Variants in MAP2K6 observed in about 807,000 individuals in gnomAD.
The protein encoded by MAP2K6 is dual specificity mitogen-activated protein kinase kinase 6.
Under a neutral mutation model 53.7 loss-of-function variants are expected in MAP2K6, and 16 were observed. The observed-to-expected ratio is 0.30, with a 90% CI of 0.20 to 0.45. The LOEUF (loss-of-function observed/expected upper bound fraction) is 0.45. MAP2K6 is among the 20% of genes least tolerant of loss of function. MAP2K6 has a pLI of 1.00. For missense variants in MAP2K6, 204 were observed against 411.9 expected (o/e 0.50, Z 4.37); for synonymous variants, 132 against 143.1 (o/e 0.92, Z 0.55).
rs1641715550 is a variant in MAP2K6 at position 69,499,061 on chromosome 17, C to T, written c.17-6719C>T. 2.0e-5 allele frequency among the ~76,000 whole-genome samples: 3 copies of T among 152,224 alleles called. No homozygotes were observed. The South Asian group carries it at 6.2e-4, about 32-fold the overall frequency. On this transcript the variant is annotated intron_variant, in intron 1 of 11. Coordinates refer to ENST00000590474, the MANE Select transcript of MAP2K6 (RefSeq NM_002758.4). ...TTAGGTTTAAAAATGGATACTGAGG[C>T]AATGTAAAATTATAAGCACTCACTA...
intron 1 of MAP2K6, among the ~76,000 whole-genome samples, chr17:69,456,739 A>G (rs1907421893): frequency 6.6e-6 from 1 of 151,908 alleles, no homozygotes. Flanking sequence ...ATCCTAGTTA[A>G]TTGCTTTCTT....
chr17:69,500,969 G>A (rs367800074), intron 1 of MAP2K6, among the ~76,000 whole-genome samples: 2 of 152,052 alleles, frequency 1.3e-5, no homozygotes, highest in African/African-American at 4.8e-5. Context: ...GCCCTGCTTC[G>A]TTCGTTGCTT....
At position 69,475,647 on chromosome 17, in the gene MAP2K6, T is replaced by A. The variant is rs548567247; in HGVS notation, c.17-30133T>A. Among the ~76,000 whole-genome samples the A allele has an allele frequency of 3.3e-5, 5 of 152,294 alleles. No individual in the cohort carries two copies. In the East Asian group the frequency reaches 9.6e-4, roughly 29 times the overall value. ...CTGGATTGTAGGTTAATATAGGAGA[T>A]AGTTGGTTGCCTTTCCCATATCCAT... is the stretch of plus-strand genomic sequence containing the variant. On this transcript the variant is annotated intron_variant, in intron 1 of 11. Transcript: ENST00000590474.
intron 10 of MAP2K6, among the ~76,000 whole-genome samples, chr17:69,533,718 G>C (rs1911203810): frequency 6.7e-6 from 1 of 149,806 alleles, no homozygotes; most frequent in Non-Finnish European, 1.5e-5. Context: ...GGGAAATTCA[G>C]GGCTTCTAGC....
At chr17:69,459,040 T>C (rs72856059) in intron 1 of MAP2K6, among the ~76,000 whole-genome samples, 15,110 of 152,270 alleles carry the variant, frequency 0.099, 922 homozygotes, top group South Asian at 0.16. Flanking sequence ...AATAGCAACC[T>C]CTAAGCCAGA....
chr17:69,440,195 C>T (rs1906773885), intron 1 of MAP2K6, among the ~76,000 whole-genome samples: 1 of 152,084 alleles, frequency 6.6e-6, no homozygotes, highest in Admixed American at 6.6e-5. Context: ...TTACAGGCAC[C>T]TACCACCACA....
intron 10 of MAP2K6, among the ~76,000 whole-genome samples, chr17:69,533,735 G>GTTTTT (rs35697742): frequency 4.3e-5 from 6 of 140,172 alleles, no homozygotes; most frequent in Non-Finnish European, 6.2e-5. Flanking sequence ...TAGCCTGTTT[G>GTTTTT]TTTTTTTTTT....
At chr17:69,514,486 A>T (rs1243381900) in intron 2 of MAP2K6, among the ~76,000 whole-genome samples, 2 of 152,164 alleles carry the variant, frequency 1.3e-5, no homozygotes, top group African/African-American at 4.8e-5. Context: ...GTATTCCAAA[A>T]GGATTTTGAG....
intron 1 of MAP2K6, among the ~76,000 whole-genome samples, chr17:69,493,074 G>A (rs1908810058): frequency 6.6e-6 from 1 of 151,924 alleles, no homozygotes; most frequent in African/African-American, 2.4e-5. Context: ...TATATGTTTT[G>A]GACATGTCAG....
chr17:69,535,462 G>A (rs996496851), intron 10 of MAP2K6, among the ~76,000 whole-genome samples: 7 of 151,894 alleles, frequency 4.6e-5, no homozygotes, highest in Admixed American at 1.3e-4. Flanking sequence ...ATGGTGGCAC[G>A]TGCCTGTAAT....
intron 1 of MAP2K6, among the ~76,000 whole-genome samples, chr17:69,467,089 C>T (rs764301298): frequency 2.7e-5 from 4 of 148,486 alleles, no homozygotes; most frequent in South Asian, 2.1e-4. Flanking sequence ...GTAATCTCAG[C>T]GGCTCCCATT....
chr17:69,470,053 A>G (rs143786693), intron 1 of MAP2K6, among the ~76,000 whole-genome samples: 7 of 151,896 alleles, frequency 4.6e-5, no homozygotes, highest in Non-Finnish European at 7.4e-5. Context: ...AAAATCCAAA[A>G]CGTTAGCTGG....
rs185986382 is a variant in MAP2K6, at chr17:69,520,371, G to A, written c.468G>A (p.Gly156=). The A allele has an allele frequency of 4.4e-6, 7 of 1,597,722 alleles. No homozygotes were observed. In the African/African-American group the frequency reaches 8.1e-5, roughly 18 times the overall value. Residue 156 remains glycine (G), a synonymous_variant, in exon 6 of 12, where the codon GGG becomes GGA. Coordinates refer to ENST00000590474, the MANE Select transcript of MAP2K6 (RefSeq NM_002758.4). ...KGQTIPEDIL[G]KIAVSIVKAL... ...AGACAATTCCAGAGGACATCTTAGGGAAAATAGCAGTTTCTGTGAGTACAT... is the reference window on the plus strand; with the variant it reads ...AGACAATTCCAGAGGACATCTTAGGAAAAATAGCAGTTTCTGTGAGTACAT...
At chr17:69,438,891 T>G (rs1906732134) in intron 1 of MAP2K6, among the ~76,000 whole-genome samples, 1 of 152,206 alleles carries the variant, frequency 6.6e-6, no homozygotes, top group Non-Finnish European at 1.5e-5. Context: ...AGCTGGTACA[T>G]TTTAAAATGC....
At position 69,502,262 on chromosome 17, in the gene MAP2K6, A is replaced by G. The variant is rs536868814; in HGVS notation, c.17-3518A>G. The G allele has an allele frequency of 3.2e-4, 320 of 985,404 alleles. No homozygotes were observed. The African/African-American group carries it at 5.3e-3, about 16-fold the overall frequency. The allele number at this position is 985,404 out of a possible 1,614,324, so 61.0% of individuals were successfully genotyped here. The stretch of plus-strand genomic sequence containing the variant: ...CTTGAGGAGGGGGTGGAGTCTGTTC[A>G]GTTCTGTTTCTCCTTGCCGAAGTGT... On this transcript the variant is annotated intron_variant, in intron 1 of 11. Transcript: ENST00000590474.
At chr17:69,441,528 G>C (rs1301022012) in intron 1 of MAP2K6, among the ~76,000 whole-genome samples, 1 of 152,090 alleles carries the variant, frequency 6.6e-6, no homozygotes, top group Non-Finnish European at 1.5e-5. Context: ...CTTGTCATTT[G>C]TTTCAGGCAT....
At chr17:69,519,188 G>T in intron 4 of MAP2K6, 125 bp from the exon 5 acceptor site, 1 of 978,640 alleles carries the variant, frequency 1.0e-6, no homozygotes. Flanking sequence ...CACTTTGGGT[G>T]GCTATTCACA....
chr17:69,508,815 A>G (rs1909662009), intron 2 of MAP2K6, among the ~76,000 whole-genome samples: 1 of 152,104 alleles, frequency 6.6e-6, no homozygotes. Context: ...GTTGAGCTTT[A>G]TTTTTTTGGC....
chr17:69,533,201 A>ATCC (rs1911174627), intron 10 of MAP2K6, among the ~76,000 whole-genome samples: 1 of 152,118 alleles, frequency 6.6e-6, no homozygotes, highest in African/African-American at 2.4e-5. Flanking sequence ...ACCCTCACAA[A>ATCC]GTGTTGGGAT....
Sources: gnomAD v4.1 joint callset for allele counts (sites outside exome capture counted in the v4.1 genomes callset) on GRCh38, gnomAD v4.1.1 for gene constraint, MANE v1.5 for transcripts, NCBI Gene and HGNC (gene_info 2026-07-23, HGNC 2026-07-21) for gene names.